The following SYNE2 variants were observed in gnomAD, a reference collection of about 807,000 sequenced individuals.
The protein encoded by SYNE2 is nesprin-2.
A neutral mutation model predicts 856.3 loss-of-function variants in SYNE2; 431 were observed. The ratio of observed to expected loss-of-function variants is 0.50; its 90% CI spans 0.47 to 0.55. The LOEUF (loss-of-function observed/expected upper bound fraction) is 0.55, where lower values mean the gene tolerates loss of function less well. SYNE2 is among the 20% of genes least tolerant of loss of function. The pLI is 0.00. For synonymous variants in SYNE2, 2,923 were observed against 2,872.3 expected (o/e 1.02, Z -0.56); for missense variants, 8,129 against 8,023.2 (o/e 1.01, Z -0.50).
At chr14:63,924,186 C>G (rs187999372) in intron 2 of SYNE2, among the ~76,000 whole-genome samples, 9 of 152,270 alleles carry the variant, frequency 5.9e-5, no homozygotes, top group Non-Finnish European at 1.2e-4. Context: ...GAATTTACTT[C>G]TAGATTTTCA....
chr14:64,071,154 G>A (rs1182514516), intron 52 of SYNE2, among the ~76,000 whole-genome samples: 1 of 152,042 alleles, frequency 6.6e-6, no homozygotes, highest in Non-Finnish European at 1.5e-5. Context: ...TTTTTTGTTT[G>A]TTTGTTTGTT....
Position 63,949,933 on chromosome 14 carries a change from T to A in SYNE2, c.517T>A (p.Ser173Thr), listed in dbSNP as rs748162027. 1.2e-6 allele frequency: 2 copies of A among 1,614,144 alleles called. No individual in the cohort carries two copies. The highest frequency in any genetic ancestry group is 1.7e-6 in the Non-Finnish European group (2 of 1,180,014). ...PASSPPAKKC[S>T]KVQARWQMSA... Reference sequence around the variant, plus strand: ...CTCAAGTCCTCCAGCTAAGAAATGCTCTAAAGTGCAAGCAAGATGGCAAAT... The same window carrying A: ...CTCAAGTCCTCCAGCTAAGAAATGCACTAAAGTGCAAGCAAGATGGCAAAT... Residue 173 changes from serine (S) to threonine (T), a missense_variant, in exon 7 of 116, where the codon TCT becomes ACT. This residue lies in a region of SYNE2 where 2,422 missense variants were observed against 2,357.4 expected (regional missense o/e 1.03). Transcript: ENST00000555002.
At chr14:63,939,303 A>G (rs2095871457) in intron 2 of SYNE2, among the ~76,000 whole-genome samples, 1 of 146,348 alleles carries the variant, frequency 6.8e-6, no homozygotes, top group Admixed American at 6.8e-5. Flanking sequence ...CTGTACTCTG[A>G]GGGTTCAGGT....
chr14:63,875,606 G>A (rs923613203), intron 1 of SYNE2, among the ~76,000 whole-genome samples: 3 of 151,952 alleles, frequency 2.0e-5, no homozygotes, highest in Non-Finnish European at 4.4e-5. Context: ...TGAGCAAGGG[G>A]ATTGGTGATG....
At chr14:63,981,293 C>A in intron 16 of SYNE2, 120 bp downstream of exon 16, 2 of 881,328 alleles carry the variant, frequency 2.3e-6, no homozygotes, top group Non-Finnish European at 3.7e-6. Context: ...TTGGAAAATT[C>A]TTCAAGGTCT....
chr14:63,783,396 G>A (rs1195479206), intron 1 of SYNE2, among the ~76,000 whole-genome samples: 1 of 151,662 alleles, frequency 6.6e-6, no homozygotes, highest in African/African-American at 2.4e-5. Context: ...TTTTTTTTCT[G>A]AGACTGAGTC....
chr14:64,004,434 G>T (rs183074214), intron 30 of SYNE2, among the ~76,000 whole-genome samples: 1 of 151,108 alleles, frequency 6.6e-6, no homozygotes, highest in Non-Finnish European at 1.5e-5. Context: ...AGGTTTAGGC[G>T]ATTCTTCTAC....
intron 33 of SYNE2, among the ~76,000 whole-genome samples, chr14:64,017,136 C>T (rs112940673): frequency 0.035 from 5,322 of 151,876 alleles, 319 homozygotes; most frequent in African/African-American, 0.12. Context: ...TTGAGACCAG[C>T]CTGGCCAACA....
intron 45 of SYNE2, among the ~76,000 whole-genome samples, chr14:64,039,611 G>A (rs2097131883): frequency 6.6e-6 from 1 of 152,140 alleles, no homozygotes; most frequent in African/African-American, 2.4e-5. Flanking sequence ...GCCCAACCAT[G>A]CTTTGATAGA....
intron 103 of SYNE2, 119 bp from the exon 104 acceptor site, chr14:64,211,842 G>C: frequency 6.9e-7 from 1 of 1,445,182 alleles, no homozygotes; most frequent in South Asian, 1.2e-5. Context: ...TACCCTAGAG[G>C]CAGATTTCTC....
chr14:64,158,157 G>A (rs971169857), intron 85 of SYNE2, among the ~76,000 whole-genome samples: 21 of 152,200 alleles, frequency 1.4e-4, no homozygotes, highest in African/African-American at 5.1e-4. Context: ...AGACTTAAGT[G>A]CCAGGTAACA....
chr14:64,198,637 T>G (rs1001249714), intron 99 of SYNE2, among the ~76,000 whole-genome samples: 2 of 152,118 alleles, frequency 1.3e-5, no homozygotes, highest in Non-Finnish European at 2.9e-5. Context: ...CCCTCCCACC[T>G]TCCCCCCCTC....
At chr14:63,950,950 C>A (rs1331917919) in intron 7 of SYNE2, among the ~76,000 whole-genome samples, 3 of 152,010 alleles carry the variant, frequency 2.0e-5, no homozygotes, top group Non-Finnish European at 4.4e-5. Flanking sequence ...AGCTACCACA[C>A]CAGCCTGGAG....
chr14:64,149,096 C>T (rs1348169993), intron 84 of SYNE2, among the ~76,000 whole-genome samples: 7 of 151,024 alleles, frequency 4.6e-5, no homozygotes, highest in African/African-American at 1.7e-4. Context: ...TCACTTGAGG[C>T]CAGGAGTTCA....
At chr14:64,103,347 C>A (rs2153643988) in intron 64 of SYNE2, among the ~76,000 whole-genome samples, 1 of 145,386 alleles carries the variant, frequency 6.9e-6, no homozygotes, top group East Asian at 2.0e-4. Flanking sequence ...AGGGTCTCTC[C>A]ATAATCTTTT....
intron 1 of SYNE2, among the ~76,000 whole-genome samples, chr14:63,788,547 C>G (rs566731793): frequency 6.6e-6 from 1 of 152,032 alleles, no homozygotes; most frequent in African/African-American, 2.4e-5. Flanking sequence ...TCCAGGAGAG[C>G]GGGGCTCCTG....
intron 1 of SYNE2, among the ~76,000 whole-genome samples, chr14:63,867,558 T>C (rs1302953274): frequency 6.6e-6 from 1 of 151,742 alleles, no homozygotes; most frequent in East Asian, 1.9e-4. Flanking sequence ...ATTAGCCAGG[T>C]GTGGTGGCAC....
chr14:63,994,214 C>G (rs1228373601), intron 22 of SYNE2, among the ~76,000 whole-genome samples: 3 of 152,102 alleles, frequency 2.0e-5, no homozygotes, highest in African/African-American at 7.2e-5. Flanking sequence ...AGGAGCCTCC[C>G]TGATAAAAAT....
intron 1 of SYNE2, among the ~76,000 whole-genome samples, chr14:63,790,169 CA>C (rs1247592526): frequency 6.6e-6 from 1 of 151,934 alleles, no homozygotes; most frequent in East Asian, 1.9e-4. Context: ...CCCATCCCTA[CA>C]AAAAAATACA....
Sources: gnomAD v4.1 joint callset for allele counts (sites outside exome capture counted in the v4.1 genomes callset) on GRCh38, gnomAD v4.1.1 for gene constraint, gnomAD v4.1.1 regional missense constraint, MANE v1.5 for transcripts, NCBI Gene and HGNC (gene_info 2026-07-23, HGNC 2026-07-21) for gene names.